Variants in EGFLAM observed in about 807,000 individuals in gnomAD.
EGFLAM encodes the protein EGF like, fibronectin type III and laminin G domains, also known as pikachurin.
Under a neutral mutation model 113.1 loss-of-function variants are expected in EGFLAM, and 79 were observed. The ratio of observed to expected loss-of-function variants is 0.70; its 90% CI spans 0.58 to 0.84. The LOEUF is 0.84. Ranked by LOEUF, EGFLAM falls within the 40% of genes least tolerant of loss-of-function variation. The pLI is 0.00. For synonymous variants in EGFLAM, 504 were observed against 487.6 expected (o/e 1.03, Z -0.44); for missense variants, 1,265 against 1,291.6 (o/e 0.98, Z 0.32).
intron 1 of EGFLAM, among the ~76,000 whole-genome samples, chr5:38,333,359 T>C (rs192345564): frequency 1.3e-5 from 2 of 152,336 alleles, no homozygotes; most frequent in East Asian, 3.9e-4. Context: ...TGCTTTTAGC[T>C]CTTCGAGGAA....
chr5:38,406,165 A>AT lies in EGFLAM; in HGVS notation c.753dup (p.Ile252TyrfsTer8). On this transcript the variant is annotated frameshift_variant, in exon 7 of 22. Coordinates refer to ENST00000322350, the MANE Select transcript of EGFLAM (RefSeq NM_152403.4). LOFTEE classifies it high-confidence loss of function. ...GGAAGTGGCCGCTATGGACCCCGTT[A>AT]TATCACCGACATGGGAGCTGGTGAG... The AT allele has an allele frequency of 6.2e-7, 1 of 1,614,174 alleles. No individual in the cohort carries two copies. The highest frequency in any genetic ancestry group is 8.5e-7 in the Non-Finnish European group (1 of 1,180,016).
intron 5 of EGFLAM, among the ~76,000 whole-genome samples, chr5:38,359,787 G>C (rs1045938940): frequency 6.6e-6 from 1 of 152,172 alleles, no homozygotes; most frequent in African/African-American, 2.4e-5. Context: ...AAATCTCAAC[G>C]TAAGATATTT....
chr5:38,352,029 T>G (rs1739639503), intron 4 of EGFLAM, among the ~76,000 whole-genome samples, 167 bp from the exon 5 acceptor site: 1 of 152,028 alleles, frequency 6.6e-6, no homozygotes, highest in African/African-American at 2.4e-5. Flanking sequence ...TTGGTTTGGG[T>G]TTTGAGGCTG....
In EGFLAM at chr5:38,462,157, AC is replaced by A. The variant is rs552999162; in HGVS notation, c.2772-750del. On this transcript the variant is annotated intron_variant, in intron 20 of 21. Transcript: ENST00000322350. ...GCACTCCAGCCTGGGCGACAGCGGGACTCCGTCTCAAAAAATAAAATAAAAT... is the reference window on the plus strand; with the variant it reads ...GCACTCCAGCCTGGGCGACAGCGGGATCCGTCTCAAAAAATAAAATAAAAT... Among the ~76,000 whole-genome samples, 6 of 152,106 alleles carry A rather than the reference AC, an allele frequency of 3.9e-5. No homozygotes were observed. In the East Asian group the frequency reaches 1.2e-3, roughly 29 times the overall value.
chr5:38,394,685 A>C (rs932126141), intron 6 of EGFLAM, among the ~76,000 whole-genome samples: 2 of 146,208 alleles, frequency 1.4e-5, no homozygotes, highest in Non-Finnish European at 1.5e-5. Context: ...CTGGGATTAC[A>C]GGCGTGAGCC....
intron 21 of EGFLAM, 61 bp from the exon 22 acceptor site, chr5:38,463,771 G>C: frequency 1.3e-6 from 2 of 1,591,894 alleles, no homozygotes; most frequent in Non-Finnish European, 1.7e-6. Flanking sequence ...CTGGAACCCC[G>C]ACCTTGCCCT....
chr5:38,445,609 G>A, intron 17 of EGFLAM: 18 of 1,598,408 alleles, frequency 1.1e-5, no homozygotes, highest in Non-Finnish European at 1.4e-5. Flanking sequence ...TGCAACCAGA[G>A]TAATTGGGAT....
intron 3 of EGFLAM, among the ~76,000 whole-genome samples, chr5:38,343,023 A>C (rs1172988875): frequency 3.3e-5 from 5 of 152,202 alleles, no homozygotes; most frequent in African/African-American, 1.2e-4. Context: ...TACAGGAATC[A>C]GAAGACGTGT....
chr5:38,361,662 C>T (rs1739926608), intron 5 of EGFLAM, among the ~76,000 whole-genome samples: 1 of 152,024 alleles, frequency 6.6e-6, no homozygotes, highest in South Asian at 2.1e-4. Context: ...AGAAAGTTTA[C>T]AAATTTATTT....
At chr5:38,351,296 A>ATGGGGT (rs1321372026) in intron 4 of EGFLAM, among the ~76,000 whole-genome samples, 1 of 151,930 alleles carries the variant, frequency 6.6e-6, no homozygotes, top group Non-Finnish European at 1.5e-5. Context: ...TTTAGTAGAG[A>ATGGGGT]TGGGGTTTCA....
At chr5:38,308,115 C>T (rs535003586) in intron 1 of EGFLAM, among the ~76,000 whole-genome samples, 4 of 152,334 alleles carry the variant, frequency 2.6e-5, no homozygotes, top group South Asian at 4.1e-4. Context: ...TCTTCCTCTA[C>T]GTGCTTTTTA....
chr5:38,426,927 G>T, intron 13 of EGFLAM, 82 bp from the exon 14 acceptor site: 1 of 1,560,848 alleles, frequency 6.4e-7, no homozygotes. Flanking sequence ...CTGTACCCAG[G>T]AGGGAAAGAA....
chr5:38,355,470 CA>C (rs1376313350), intron 5 of EGFLAM, among the ~76,000 whole-genome samples: 1 of 152,118 alleles, frequency 6.6e-6, no homozygotes, highest in East Asian at 1.9e-4. Flanking sequence ...CTGCTGAAAT[CA>C]GGGGACAAGG....
intron 10 of EGFLAM, among the ~76,000 whole-genome samples, 192 bp from the exon 11 acceptor site, chr5:38,412,312 G>A (rs564641631): frequency 5.9e-5 from 9 of 152,234 alleles, no homozygotes; most frequent in African/African-American, 1.9e-4. Flanking sequence ...ATAACTAGAC[G>A]GAGATCGTCC....
intron 6 of EGFLAM, among the ~76,000 whole-genome samples, chr5:38,372,268 G>A (rs1481360502): frequency 6.6e-6 from 1 of 152,006 alleles, no homozygotes; most frequent in Middle Eastern, 3.4e-3. Context: ...TCGGCCTTCC[G>A]AGTAGCTGGT....
intron 17 of EGFLAM, among the ~76,000 whole-genome samples, chr5:38,444,528 GATTACTATATA>G (rs1742645919): frequency 2.6e-5 from 4 of 152,142 alleles, no homozygotes; most frequent in Admixed American, 2.6e-4. Flanking sequence ...ACCCTGATCT[GATTACTATATA>G]TGTATCAAAA....
intron 6 of EGFLAM, among the ~76,000 whole-genome samples, chr5:38,391,386 G>GTT (rs201247259): frequency 0.21 from 31,124 of 145,200 alleles, 3,362 homozygotes; most frequent in Non-Finnish European, 0.21. Context: ...TCTTTTCTTT[G>GTT]TGTGTGTGTG....
At chr5:38,384,849 G>A (rs1392445601) in intron 6 of EGFLAM, among the ~76,000 whole-genome samples, 1 of 152,066 alleles carries the variant, frequency 6.6e-6, no homozygotes, top group Non-Finnish European at 1.5e-5. Context: ...TTTCAACTGG[G>A]GGTGATTTTG....
At chr5:38,398,122 A>C (rs1038132529) in intron 6 of EGFLAM, among the ~76,000 whole-genome samples, 2 of 152,222 alleles carry the variant, frequency 1.3e-5, no homozygotes, top group African/African-American at 4.8e-5. Flanking sequence ...ATTGTTTTCC[A>C]GGAACACTCT....
Sources: gnomAD v4.1 joint callset for allele counts (sites outside exome capture counted in the v4.1 genomes callset) on GRCh38, gnomAD v4.1.1 for gene constraint, MANE v1.5 for transcripts, NCBI Gene and HGNC (gene_info 2026-07-23, HGNC 2026-07-21) for gene names.